ENO4: variants seen among roughly 807,000 people sequenced by gnomAD.
ENO4 encodes the protein enolase 4, also known as 2-phospho-D-glycerate hydro-lyase.
ENO4 carries 53 observed loss-of-function variants against 63.2 expected under a neutral mutation model. That is an observed-to-expected ratio of 0.84 (90% CI 0.67 to 1.05). ENO4 has a LOEUF of 1.05. ENO4 is among the 50% of genes least tolerant of loss of function. ENO4 has a pLI of 0.00. For synonymous variants in ENO4, 266 were observed against 283.8 expected, an observed-to-expected ratio of 0.94 and a Z score of 0.63; for missense variants, 719 against 772.0, an observed-to-expected ratio of 0.93 and a Z score of 0.81.
chr10:116,898,053 C>T (rs1440465208), intron 10 of ENO4, among the ~76,000 whole-genome samples: 3 of 152,068 alleles, frequency 2.0e-5, no homozygotes, highest in African/African-American at 7.2e-5. Flanking sequence ...TTAGGCTGAG[C>T]GTGGTGGCTC....
intron 10 of ENO4, among the ~76,000 whole-genome samples, chr10:116,888,003 A>G (rs1234778758): frequency 6.6e-6 from 1 of 152,234 alleles, no homozygotes; most frequent in Non-Finnish European, 1.5e-5. Context: ...TCTGACCAGT[A>G]CTGTAAGATC....
At chr10:116,865,568 A>T (rs746196406) in intron 7 of ENO4, among the ~76,000 whole-genome samples, 19 of 152,182 alleles carry the variant, frequency 1.2e-4, no homozygotes, top group Admixed American at 6.5e-4. Context: ...ACCGATTTTT[A>T]AAATTTTTTG....
At chr10:116,911,863 G>GA, downstream of ENO4, 1 of 1,585,678 alleles carries the variant, frequency 6.3e-7, no homozygotes, top group Non-Finnish European at 8.7e-7. Context: ...TAATAAGAAA[G>GA]AAAAATCACT....
chr10:116,876,045 A>G lies in ENO4; in HGVS notation c.1342-20A>G. 1 of 1,490,402 alleles carries G rather than the reference A, an allele frequency of 6.7e-7. No homozygotes were observed. 92.3% of individuals were successfully genotyped at this position (1,490,402 alleles called of 1,614,324 possible). On this transcript the variant is annotated intron_variant, in intron 10 of 13. Coordinates refer to ENST00000341276, the MANE Select transcript of ENO4 (RefSeq NM_001242699.2). The stretch of plus-strand genomic sequence containing the variant: ...TATGTTCAATGCATTATAATGATCA[A>G]CTCTTAAATATTTACCCAGGACTCT...
intron 3 of ENO4, among the ~76,000 whole-genome samples, chr10:116,857,054 A>G (rs1344333612): frequency 6.6e-6 from 1 of 152,160 alleles, no homozygotes; most frequent in Non-Finnish European, 1.5e-5. Context: ...TCACCTGCCA[A>G]TAAAATGGGT....
At chr10:116,874,731 G>A (rs1351577314) in intron 10 of ENO4, among the ~76,000 whole-genome samples, 2 of 152,266 alleles carry the variant, frequency 1.3e-5, no homozygotes, top group South Asian at 2.1e-4. Flanking sequence ...GGAGTGCAGT[G>A]GCACGATCTT....
At chr10:116,910,720 A>G (rs116947821) in intron 10 of ENO4, among the ~76,000 whole-genome samples, 2 of 152,214 alleles carry the variant, frequency 1.3e-5, no homozygotes, top group Non-Finnish European at 2.9e-5. Context: ...TGTCATAGGG[A>G]GTTCTCCTTA....
At chr10:116,885,807 A>G (rs747296727), downstream of ENO4, 2 of 154,158 alleles carry the variant, frequency 1.3e-5, no homozygotes, top group African/African-American at 4.8e-5. Context: ...GTTTGATGCC[A>G]GCTCCTGAGT....
At chr10:116,865,612 G>A (rs1312709012) in intron 7 of ENO4, among the ~76,000 whole-genome samples, 1 of 152,130 alleles carries the variant, frequency 6.6e-6, no homozygotes, top group Non-Finnish European at 1.5e-5. Context: ...TTCTTTTAAG[G>A]CAGTGACTCT....
chr10:116,884,577 A>G (rs1251154454), downstream of ENO4: 1 of 245,074 alleles, frequency 4.1e-6, no homozygotes, highest in Non-Finnish European at 8.3e-6. Flanking sequence ...CAGTGTACAT[A>G]TTTTTATATT....
chr10:116,897,776 G>C (rs1343780655), intron 10 of ENO4, among the ~76,000 whole-genome samples: 1 of 152,108 alleles, frequency 6.6e-6, no homozygotes, highest in African/African-American at 2.4e-5. Context: ...GCAGACCCAG[G>C]ATCTGAACCC....
chr10:116,901,508 T>C, intron 10 of ENO4: 1 of 985,290 alleles, frequency 1.0e-6, no homozygotes. Context: ...AGATCAATTA[T>C]TTGTGTAGAA....
At chr10:116,887,735 G>A (rs1589773486) in intron 10 of ENO4, among the ~76,000 whole-genome samples, 1 of 152,294 alleles carries the variant, frequency 6.6e-6, no homozygotes, top group African/African-American at 2.4e-5. Context: ...GGCAGGGACT[G>A]TTTAGCTTTA....
chr10:116,890,657 C>T (rs1208101540), intron 10 of ENO4, among the ~76,000 whole-genome samples: 2 of 152,222 alleles, frequency 1.3e-5, no homozygotes, highest in Admixed American at 6.5e-5. Context: ...CTCTATGAAG[C>T]CTGGTGCCCA....
chr10:116,886,687 A>AT (rs1476490097), downstream of ENO4: 12 of 1,340,514 alleles, frequency 9.0e-6, no homozygotes, highest in African/African-American at 5.8e-5. Flanking sequence ...CAACATGCAT[A>AT]TAGTAGTCTT....
intron 10 of ENO4, chr10:116,901,771 G>C: frequency 6.3e-7 from 1 of 1,593,654 alleles, no homozygotes; most frequent in Non-Finnish European, 8.5e-7. Flanking sequence ...TTACTGAAAC[G>C]TAACCTTGGA....
At position 116,881,846 on chromosome 10, in the gene ENO4, T is replaced by A; in HGVS notation, c.*177T>A. On this transcript the variant is annotated 3_prime_UTR_variant, in exon 14 of 14. Transcript: ENST00000341276. Reference sequence around the variant, plus strand: ...CATATATGATGTTTTTGCCTGAAATTCTGTGAACTTCGTTTTGCAGCCACC... The same window carrying A: ...CATATATGATGTTTTTGCCTGAAATACTGTGAACTTCGTTTTGCAGCCACC... 1 of 478,586 alleles carries A rather than the reference T, an allele frequency of 2.1e-6. No individual in the cohort carries two copies. The allele number at this position is 478,586 out of a possible 1,614,324, so 29.6% of individuals were successfully genotyped here.
chr10:116,892,578 A>G (rs2133305676), intron 10 of ENO4, among the ~76,000 whole-genome samples: 1 of 152,356 alleles, frequency 6.6e-6, no homozygotes, highest in East Asian at 1.9e-4. Context: ...TGCACAAAAT[A>G]CTTGCATTTT....
chr10:116,886,231 A>G, downstream of ENO4: 1 of 1,420,284 alleles, frequency 7.0e-7, no homozygotes, highest in Non-Finnish European at 9.5e-7. Context: ...AAGAACCTGT[A>G]TTCTGAATAC....
Sources: allele counts gnomAD v4.1 joint callset (sites outside exome capture counted in the v4.1 genomes callset), GRCh38; gene constraint gnomAD v4.1.1; transcripts MANE v1.5; gene names NCBI Gene and HGNC (gene_info 2026-07-23, HGNC 2026-07-21).